HNMT: variants seen among roughly 807,000 people sequenced by gnomAD.
The protein encoded by HNMT is histamine N-methyltransferase.
Under a neutral mutation model 32.1 loss-of-function variants are expected in HNMT, and 30 were observed. The ratio of observed to expected loss-of-function variants is 0.93; its 90% CI spans 0.70 to 1.27. The LOEUF (loss-of-function observed/expected upper bound fraction) is 1.27, where lower values mean the gene tolerates loss of function less well. Ranked by LOEUF, HNMT falls within the 50% of genes most tolerant of loss-of-function variation. HNMT has a pLI of 0.00. For synonymous variants in HNMT, 125 were observed against 119.0 expected (o/e 1.05, Z -0.33); for missense variants, 327 against 346.0 (o/e 0.95, Z 0.43).
intron 2 of HNMT, among the ~76,000 whole-genome samples, chr2:137,978,691 C>T (rs967805010): frequency 1.4e-5 from 2 of 139,712 alleles, no homozygotes; most frequent in African/African-American, 5.2e-5. Flanking sequence ...TTATACAATA[C>T]ATATGATTAG....
chr2:137,987,121 A>G (rs1193079935), intron 2 of HNMT, among the ~76,000 whole-genome samples: 4 of 152,228 alleles, frequency 2.6e-5, no homozygotes, highest in South Asian at 2.1e-4. Context: ...TTTAGGGAGA[A>G]ACATTTAATG....
intron 2 of HNMT, among the ~76,000 whole-genome samples, chr2:137,999,771 T>G (rs1305839462): frequency 6.6e-6 from 1 of 152,142 alleles, no homozygotes; most frequent in East Asian, 1.9e-4. Context: ...TATTTTCAAA[T>G]AGATGTACTC....
chr2:137,985,046 T>C (rs1680610938), intron 2 of HNMT, among the ~76,000 whole-genome samples: 1 of 152,150 alleles, frequency 6.6e-6, no homozygotes, highest in African/African-American at 2.4e-5. Flanking sequence ...TCTCTGCCTT[T>C]GAATAGTAGC....
intron 2 of HNMT, among the ~76,000 whole-genome samples, chr2:137,977,003 A>G (rs898535384): frequency 1.3e-5 from 2 of 152,232 alleles, no homozygotes; most frequent in Non-Finnish European, 2.9e-5. Context: ...CAGCAAAACA[A>G]GGGATAATGA....
chr2:137,967,849 A>T (rs1440532582), intron 1 of HNMT, among the ~76,000 whole-genome samples: 1 of 152,080 alleles, frequency 6.6e-6, no homozygotes, highest in East Asian at 1.9e-4. Context: ...ATACCTTCTT[A>T]TTCATTACAA....
At chr2:137,997,550 T>C (rs772941259) in intron 2 of HNMT, among the ~76,000 whole-genome samples, 2 of 152,184 alleles carry the variant, frequency 1.3e-5, no homozygotes, top group Admixed American at 6.5e-5. Context: ...CGTGGAGAGA[T>C]AGGAGCACTT....
intron 5 of HNMT, among the ~76,000 whole-genome samples, chr2:138,012,243 TCC>T: frequency 6.6e-6 from 1 of 152,230 alleles, no homozygotes; most frequent in South Asian, 2.1e-4. Flanking sequence ...AGTTTGATAA[TCC>T]CCATTTTACA....
At chr2:138,005,077 C>G (rs1224743304) in intron 4 of HNMT, 55 bp from the exon 5 acceptor site, 3 of 952,052 alleles carry the variant, frequency 3.2e-6, no homozygotes, top group Non-Finnish European at 5.1e-6. Context: ...CTAGCCCAAG[C>G]AATAAAGACT....
intron 2 of HNMT, chr2:137,981,216 A>T: frequency 6.2e-7 from 1 of 1,613,236 alleles, no homozygotes; most frequent in Non-Finnish European, 8.5e-7. Flanking sequence ...TGACCTGCAG[A>T]TTGTCTCATT....
At position 138,014,253 on chromosome 2, in the gene HNMT, T is replaced by C. The variant is rs534580390; in HGVS notation, c.*123T>C. ...GATAAAGCACTGTTTGGATATGAGA[T>C]GTAGCAAATTCCAATACATTATTGG... On this transcript the variant is annotated 3_prime_UTR_variant, in exon 6 of 6. Transcript: ENST00000280097. The C allele has an allele frequency of 1.4e-5, 9 of 660,660 alleles. No individual in the cohort carries two copies. In the African/African-American group the frequency reaches 1.6e-4, roughly 12 times the overall value. 40.9% of individuals were successfully genotyped at this position (660,660 alleles called of 1,614,324 possible).
At chr2:137,966,708 A>G (rs181278834) in intron 1 of HNMT, among the ~76,000 whole-genome samples, 3 of 152,278 alleles carry the variant, frequency 2.0e-5, no homozygotes, top group Admixed American at 6.5e-5. Flanking sequence ...AATATATGCA[A>G]ACATATCAAG....
chr2:137,982,890 T>C (rs1253922241), intron 2 of HNMT, among the ~76,000 whole-genome samples: 1 of 152,206 alleles, frequency 6.6e-6, no homozygotes, highest in Non-Finnish European at 1.5e-5. Context: ...TTGACATATG[T>C]AATCACATTT....
intron 1 of HNMT, among the ~76,000 whole-genome samples, chr2:137,965,761 C>T (rs562013104): frequency 6.6e-6 from 1 of 152,240 alleles, no homozygotes; most frequent in Admixed American, 6.5e-5. Context: ...GTTAATTTCT[C>T]AATTCTTTTT....
At chr2:137,965,591 T>C (rs1322333744) in intron 1 of HNMT, among the ~76,000 whole-genome samples, 3 of 152,094 alleles carry the variant, frequency 2.0e-5, no homozygotes, top group African/African-American at 7.2e-5. Context: ...AAATGTTAGC[T>C]TTCAAAAAAT....
chr2:138,014,115 A>C lies in HNMT; in HGVS notation c.864A>C (p.Ile288=). Residue 288 remains isoleucine (I), a synonymous_variant, in exon 6 of 6, where the codon ATA becomes ATC. Coordinates refer to ENST00000280097, the MANE Select transcript of HNMT (RefSeq NM_006895.3). ...KVLFNNTLSF[I]VIEA ...TTTTTAATAATACTCTGAGTTTCAT[A>C]GTGATTGAGGCATAACTATCAATCA... is the stretch of plus-strand genomic sequence containing the variant. 6.4e-7 allele frequency: 1 copy of C among 1,574,270 alleles called. No homozygotes were observed. Among genetic ancestry groups the C allele is most frequent in the Non-Finnish European group, 8.7e-7 (1 of 1,153,380 alleles).
chr2:137,998,054 G>A (rs993325857), intron 2 of HNMT, among the ~76,000 whole-genome samples: 1 of 151,836 alleles, frequency 6.6e-6, no homozygotes, highest in African/African-American at 2.4e-5. Flanking sequence ...CAGAAGACAG[G>A]TCAATAGGTG....
At chr2:137,991,609 A>G (rs1680816664) in intron 2 of HNMT, among the ~76,000 whole-genome samples, 1 of 152,244 alleles carries the variant, frequency 6.6e-6, no homozygotes, top group Non-Finnish European at 1.5e-5. Context: ...GCCAGGAGCC[A>G]TAGATAAAAA....
chr2:138,002,126 T>C lies in HNMT; in HGVS notation c.361T>C (p.Ser121Pro). 2 of 1,603,930 alleles carry C rather than the reference T, an allele frequency of 1.2e-6. No homozygotes were observed. The highest frequency in any genetic ancestry group is 1.7e-6 in the Non-Finnish European group (2 of 1,174,096). The change falls in exon 4 of 6, where the codon TCT becomes CCT. Residue 121 changes from serine (S) to proline (P), a missense_variant. Physicochemically the swap from Ser to Pro is moderately conservative, Grantham distance 74 (BLOSUM62 -1). Transcript: ENST00000280097. ...GTTTGCTTGGCATAAGGAGACATCA[T>C]CTGAATACCAAAGTAGAATGTTGGA... ...VKFAWHKETSSEYQSRMLEKK... is the reference protein window; with the variant it reads ...VKFAWHKETSPEYQSRMLEKK...
intron 2 of HNMT, among the ~76,000 whole-genome samples, chr2:137,981,026 T>C (rs886359133): frequency 6.6e-6 from 1 of 151,912 alleles, no homozygotes; most frequent in African/African-American, 2.4e-5. Context: ...CTAGAAACCA[T>C]TTTTTTTCTG....
Sources: gnomAD v4.1 joint callset for allele counts (sites outside exome capture counted in the v4.1 genomes callset) on GRCh38, gnomAD v4.1.1 for gene constraint, MANE v1.5 for transcripts, NCBI Gene and HGNC (gene_info 2026-07-23, HGNC 2026-07-21) for gene names.